The following SUGCT variants were observed in gnomAD, a reference collection of about 807,000 sequenced individuals.
The protein encoded by SUGCT is succinyl-CoA:glutarate CoA-transferase.
Under a neutral mutation model 55.0 loss-of-function variants are expected in SUGCT, and 41 were observed. The observed-to-expected ratio is 0.74, with a 90% CI of 0.58 to 0.97. The LOEUF (loss-of-function observed/expected upper bound fraction) is 0.97, where lower values mean the gene tolerates loss of function less well. Ranked by LOEUF, SUGCT falls within the 50% of genes least tolerant of loss-of-function variation. The probability of loss-of-function intolerance (pLI) is 0.00; values close to 1 mark genes in which losing one functional copy is unlikely to be tolerated. For missense variants in SUGCT, 568 were observed against 547.8 expected (o/e 1.04, Z -0.37); for synonymous variants, 187 against 200.4 (o/e 0.93, Z 0.56).
chr7:40,246,549 C>T (rs1789889352), intron 7 of SUGCT, among the ~76,000 whole-genome samples: 1 of 150,762 alleles, frequency 6.6e-6, no homozygotes, highest in African/African-American at 2.4e-5. Flanking sequence ...CCTCACCCGG[C>T]CTAGTGTGTT....
In SUGCT at chr7:40,703,156, T is replaced by C. The variant is rs530912613; in HGVS notation, c.1090-46278T>C. ...CTCAGCTCACTGCAAACTCCGCCTC[T>C]CGGGTTCAAGTGATTCTCCTGCCTC... On this transcript the variant is annotated intron_variant, in intron 12 of 13. Coordinates refer to ENST00000335693, the MANE Select transcript of SUGCT (RefSeq NM_001193313.2). 5.9e-4 allele frequency among the ~76,000 whole-genome samples: 88 copies of C among 149,390 alleles called. No individual in the cohort carries two copies. The East Asian group carries it at 0.016, about 27-fold the overall frequency.
the SUGCT span, among the ~76,000 whole-genome samples, chr7:40,968,901 C>T: frequency 2.0e-5 from 3 of 152,268 alleles, no homozygotes; most frequent in African/African-American, 4.8e-5. Context: ...CTCACAAGCA[C>T]CTGTGGTGTG....
At chr7:40,254,353 G>A (rs1213678309) in intron 7 of SUGCT, among the ~76,000 whole-genome samples, 2 of 151,078 alleles carry the variant, frequency 1.3e-5, no homozygotes, top group Non-Finnish European at 2.9e-5. Flanking sequence ...GAAGGATTAT[G>A]TCTTATTCTG....
the SUGCT span, among the ~76,000 whole-genome samples, chr7:41,015,386 G>A: frequency 2.4e-3 from 370 of 152,288 alleles, 3 homozygotes; most frequent in Non-Finnish European, 3.3e-3. Flanking sequence ...AAGTGGTCAT[G>A]AGCAGAGGTT....
intron 11 of SUGCT, among the ~76,000 whole-genome samples, chr7:40,470,081 C>A (rs969709994): frequency 4.6e-5 from 7 of 152,164 alleles, no homozygotes; most frequent in Non-Finnish European, 1.0e-4. Context: ...ATGCTAAAGG[C>A]CTTCTTTTTT....
At chr7:40,186,057 GGTT>G (rs1056707373) in intron 3 of SUGCT, among the ~76,000 whole-genome samples, 8 of 146,968 alleles carry the variant, frequency 5.4e-5, no homozygotes, top group African/African-American at 2.2e-4. Context: ...CATAAAATTT[GGTT>G]GTTGTTTTCT....
chr7:40,350,575 C>T (rs1313493364), intron 9 of SUGCT, among the ~76,000 whole-genome samples: 1 of 151,742 alleles, frequency 6.6e-6, no homozygotes, highest in Non-Finnish European at 1.5e-5. Context: ...AAGTGATCCA[C>T]CCACCTTGGC....
intron 9 of SUGCT, among the ~76,000 whole-genome samples, chr7:40,359,270 T>A (rs143046789): frequency 0.019 from 2,871 of 152,300 alleles, 88 homozygotes; most frequent in African/African-American, 0.066. Flanking sequence ...AATAGTGCTA[T>A]CTCAGCTCAC....
At chr7:40,238,577 T>G in intron 7 of SUGCT, among the ~76,000 whole-genome samples, 1 of 152,216 alleles carries the variant, frequency 6.6e-6, no homozygotes, top group South Asian at 2.1e-4. Flanking sequence ...GAAATATTGC[T>G]TGCTGTAGTG....
chr7:40,494,609 G>GA (rs937266697), intron 11 of SUGCT, among the ~76,000 whole-genome samples: 1 of 152,166 alleles, frequency 6.6e-6, no homozygotes, highest in Non-Finnish European at 1.5e-5. Context: ...AAATTGGAGA[G>GA]AAAATGGAAG....
chr7:40,772,538 CTATCTATCTATCTATCTATCTA>C (rs1789186475), intron 13 of SUGCT, among the ~76,000 whole-genome samples: 2 of 150,704 alleles, frequency 1.3e-5, no homozygotes, highest in African/African-American at 2.4e-5. Flanking sequence ...ATCTATCTAT[CTATCTATCTATCTATCTATCTA>C]TCTGGTGTTA....
the SUGCT span, chr7:40,967,121 GT>G: frequency 1.3e-5 from 2 of 152,138 alleles, no homozygotes; most frequent in African/African-American, 4.8e-5. Context: ...CAGGTTCTTT[GT>G]TTTGTTACCC....
chr7:40,603,442 A>G (rs1383866096), intron 12 of SUGCT, among the ~76,000 whole-genome samples: 1 of 152,210 alleles, frequency 6.6e-6, no homozygotes, highest in Non-Finnish European at 1.5e-5. Flanking sequence ...CAGAGTTCCC[A>G]AAAGAGTCTA....
chr7:40,913,316 T>A, the SUGCT span, among the ~76,000 whole-genome samples: 1 of 152,156 alleles, frequency 6.6e-6, no homozygotes, highest in South Asian at 2.1e-4. Context: ...TGCACATTGA[T>A]TTTATAACAC....
chr7:40,596,792 A>G (rs1031903368), intron 12 of SUGCT, among the ~76,000 whole-genome samples: 4 of 152,258 alleles, frequency 2.6e-5, no homozygotes, highest in Middle Eastern at 6.8e-3. Flanking sequence ...AAGGGCTCTT[A>G]TACTGGTGCA....
At chr7:40,823,386 AT>A (rs201624198) in intron 13 of SUGCT, among the ~76,000 whole-genome samples, 46 of 150,768 alleles carry the variant, frequency 3.1e-4, no homozygotes, top group African/African-American at 1.0e-3. Context: ...AAGCACTGAG[AT>A]TTTTTTTTTC....
At chr7:40,595,985 T>C (rs1394760008) in intron 12 of SUGCT, among the ~76,000 whole-genome samples, 1 of 152,186 alleles carries the variant, frequency 6.6e-6, no homozygotes, top group Non-Finnish European at 1.5e-5. Context: ...CACTGAATCT[T>C]GGACATGTTG....
At chr7:40,951,595 C>G in the SUGCT span, among the ~76,000 whole-genome samples, 1 of 152,032 alleles carries the variant, frequency 6.6e-6, no homozygotes. Flanking sequence ...GCATTTAGTG[C>G]TATAAATTTC....
At position 40,609,872 on chromosome 7, in the gene SUGCT, G is replaced by A. The variant is rs1443183012; in HGVS notation, c.1089+113486G>A. On this transcript the variant is annotated intron_variant, in intron 12 of 13. Transcript: ENST00000335693. Reference sequence around the variant, plus strand: ...GATTTTTTTTAAGCCAAATCAGAATGCATTATAGGCCATTACTTTCAAATT... The same window carrying A: ...GATTTTTTTTAAGCCAAATCAGAATACATTATAGGCCATTACTTTCAAATT... Among the ~76,000 whole-genome samples the A allele has an allele frequency of 2.0e-5, 3 of 152,096 alleles. 1 individual carries two copies. Among genetic ancestry groups the A allele is most frequent in the African/African-American group, 7.2e-5 (3 of 41,410 alleles).
Sources: gnomAD v4.1 joint callset for allele counts (sites outside exome capture counted in the v4.1 genomes callset) on GRCh38, gnomAD v4.1.1 for gene constraint, MANE v1.5 for transcripts, NCBI Gene and HGNC (gene_info 2026-07-23, HGNC 2026-07-21) for gene names.